Variants in MRNIP observed in about 807,000 individuals in gnomAD.
MRNIP encodes MRN complex-interacting protein.
MRNIP carries 30 observed loss-of-function variants against 29.8 expected under a neutral mutation model. That is an observed-to-expected ratio of 1.01 (90% CI 0.75 to 1.36). The LOEUF is 1.36. MRNIP is among the 40% of genes most tolerant of loss of function. The pLI, the probability that MRNIP is intolerant of heterozygous loss-of-function variation, is 0.00. For missense variants in MRNIP, 459 were observed against 423.5 expected (o/e 1.08, Z -0.74); for synonymous variants, 201 against 164.1 (o/e 1.23, Z -1.72).
intron 1 of MRNIP, among the ~76,000 whole-genome samples, chr5:179,858,442 G>T (rs1241805363): frequency 6.6e-6 from 1 of 152,140 alleles, no homozygotes; most frequent in African/African-American, 2.4e-5. Flanking sequence ...ACTTCGTGGG[G>T]TAGGCTCTGC....
rs139382074 is a variant in MRNIP, at chr5:179,850,609, C to T, written c.127-2543G>A. Among the ~76,000 whole-genome samples, 44 of 152,244 alleles carry T rather than the reference C, an allele frequency of 2.9e-4. 1 individual carries two copies. In the East Asian group the frequency reaches 6.9e-3, roughly 24 times the overall value. On this transcript the variant is annotated intron_variant, in intron 2 of 6. Transcript: ENST00000292586. ...CTGACAGAAGCAATTGTAATGGACA[C>T]GTAGGGAGTGCAGTCCTGTTTGGAG...
chr5:179,851,155 G>A lies in MRNIP; in HGVS notation c.126+2223C>T. 3 of 451,064 alleles carry A rather than the reference G, an allele frequency of 6.7e-6. No homozygotes were observed. In the Admixed American group the frequency reaches 7.1e-5, roughly 11 times the overall value. 27.9% of individuals were successfully genotyped at this position (451,064 alleles called of 1,614,324 possible). ...ATACCACACACAGCACAGAGGCATT[G>A]AGGGGAGTAAGAAGGCTTCCTCAAG... On this transcript the variant is annotated intron_variant, in intron 2 of 6. Transcript: ENST00000292586.
intron 2 of MRNIP, among the ~76,000 whole-genome samples, chr5:179,850,181 G>A (rs1312966118): frequency 6.6e-6 from 1 of 151,686 alleles, no homozygotes; most frequent in Non-Finnish European, 1.5e-5. Context: ...TCCTGCTATG[G>A]CACAGGCAGA....
rs1389225233 is a variant in MRNIP, at chr5:179,848,014, T to A, written c.179A>T (p.Asn60Ile). The A allele has an allele frequency of 6.2e-7, 1 of 1,613,778 alleles. No individual in the cohort carries two copies. The highest frequency in any genetic ancestry group is 1.3e-5 in the African/African-American group (1 of 74,890). Residue 60 changes from asparagine (N) to isoleucine (I), a missense_variant, in exon 3 of 7, where the codon AAT (asparagine) becomes ATT (isoleucine). By Grantham distance (149) the Asn-to-Ile change is moderately radical (BLOSUM62 -3). Coordinates refer to ENST00000292586, the MANE Select transcript of MRNIP (RefSeq NM_016175.4). ...ADCRRHVQKL[N>I]LLQGQVSELP... ...CTCTGAAACTTGTCCCTGTAGTAGA[T>A]TTAACTTTTGGACATGGCGTCTACA...
rs757432041 is a variant in MRNIP at position 179,844,157 on chromosome 5, G to C, written c.286C>G (p.Gln96Glu). 2.2e-5 allele frequency: 36 copies of C among 1,613,916 alleles called. No individual in the cohort carries two copies. The highest frequency in any genetic ancestry group is 2.8e-5 in the Non-Finnish European group (33 of 1,179,926). ...CAGGTGGGCCTGAGGCTTACCTGCT[G>C]CTTCACATTCCCAGCCTGCTGGTGT... The part of the protein sequence containing the change: ...VGHQQAGNVK[Q>E]QEKSQPSESR... The change falls in exon 4 of 7, where the codon CAG (glutamine) becomes GAG (glutamate). Residue 96 changes from glutamine to glutamate, a missense_variant. Transcript: ENST00000292586.
intron 3 of MRNIP, chr5:179,847,751 A>C: frequency 6.4e-6 from 3 of 468,280 alleles, no homozygotes; most frequent in Non-Finnish European, 1.2e-5. Flanking sequence ...CATCACAGGT[A>C]ATCAGGTGAG....
At chr5:179,855,697 A>G (rs577128092) in intron 1 of MRNIP, among the ~76,000 whole-genome samples, 1 of 152,288 alleles carries the variant, frequency 6.6e-6, no homozygotes, top group East Asian at 1.9e-4. Flanking sequence ...GTCTAGGTTG[A>G]TCCATTAACA....
chr5:179,843,792 A>T (rs1054425972), intron 4 of MRNIP, among the ~76,000 whole-genome samples: 1 of 152,118 alleles, frequency 6.6e-6, no homozygotes, highest in Non-Finnish European at 1.5e-5. Flanking sequence ...TGGAACAAGG[A>T]AAGATGGAAA....
At chr5:179,840,608 G>C (rs771391987) in intron 6 of MRNIP, 51 of 569,092 alleles carry the variant, frequency 9.0e-5, no homozygotes, top group Non-Finnish European at 1.4e-4. Flanking sequence ...AGGTTGACCT[G>C]CTGGCCAACC....
chr5:179,838,081 T>A, intron 6 of MRNIP, 196 bp from the exon 7 acceptor site: 2 of 598,520 alleles, frequency 3.3e-6, no homozygotes, highest in Non-Finnish European at 5.9e-6. Context: ...ACCGCAAACC[T>A]TCTGCTAAAT....
chr5:179,846,000 G>A (rs953387630), intron 3 of MRNIP: 3 of 152,144 alleles, frequency 2.0e-5, no homozygotes, highest in East Asian at 1.9e-4. Context: ...AATAGAGGAG[G>A]AGCGGTCTTT....
chr5:179,842,958 A>G (rs1054755017), intron 4 of MRNIP, among the ~76,000 whole-genome samples: 1 of 150,438 alleles, frequency 6.6e-6, no homozygotes, highest in Non-Finnish European at 1.5e-5. Context: ...GCTTGAACTC[A>G]GGAGGCAGAA....
At chr5:179,857,880 C>T (rs185057738) in intron 1 of MRNIP, among the ~76,000 whole-genome samples, 24 of 152,010 alleles carry the variant, frequency 1.6e-4, no homozygotes, top group Non-Finnish European at 2.9e-4. Flanking sequence ...GGCATGGTGG[C>T]GCATGCCTGT....
At chr5:179,847,805 CG>C in intron 3 of MRNIP, 172 bp downstream of exon 3, 2 of 576,298 alleles carry the variant, frequency 3.5e-6, no homozygotes, top group South Asian at 4.0e-5. Flanking sequence ...TAAACATCCC[CG>C]GGGTCGGTTC....
At chr5:179,852,419 A>G (rs1323709580) in intron 2 of MRNIP, among the ~76,000 whole-genome samples, 1 of 152,220 alleles carries the variant, frequency 6.6e-6, no homozygotes, top group Non-Finnish European at 1.5e-5. Flanking sequence ...ATAACAGTCA[A>G]AAGGGAAATC....
intron 6 of MRNIP, chr5:179,840,467 T>G: frequency 3.4e-6 from 1 of 296,708 alleles, no homozygotes; most frequent in Non-Finnish European, 6.3e-6. Context: ...CATACAAGAG[T>G]CCACAGCAGG....
At chr5:179,842,729 AAG>A (rs1758944491) in intron 4 of MRNIP, among the ~76,000 whole-genome samples, 1 of 121,248 alleles carries the variant, frequency 8.2e-6, no homozygotes, top group Non-Finnish European at 1.7e-5. Flanking sequence ...AAAAAAAAAA[AAG>A]AACAGAGGGG....
chr5:179,839,251 C>CA (rs35915208), intron 6 of MRNIP: 10,217 of 78,082 alleles, frequency 0.13, 476 homozygotes, highest in Middle Eastern at 0.22. Context: ...AACTCCTACT[C>CA]AAAAAAAAAA....
chr5:179,856,157 C>T (rs1391090346), intron 1 of MRNIP, among the ~76,000 whole-genome samples: 2 of 151,890 alleles, frequency 1.3e-5, no homozygotes, highest in Non-Finnish European at 2.9e-5. Context: ...CTGCCCCCCT[C>T]GGCCTCCCAA....
Sources: gnomAD v4.1 joint callset for allele counts (sites outside exome capture counted in the v4.1 genomes callset) on GRCh38, gnomAD v4.1.1 for gene constraint, MANE v1.5 for transcripts, NCBI Gene and HGNC (gene_info 2026-07-23, HGNC 2026-07-21) for gene names.